BMPR1B: variants seen among roughly 807,000 people sequenced by gnomAD.
The protein encoded by BMPR1B is bone morphogenetic protein receptor type 1B.
A neutral mutation model predicts 59.1 loss-of-function variants in BMPR1B; 12 were observed. The observed-to-expected ratio is 0.20, with a 90% CI of 0.13 to 0.33. The LOEUF (loss-of-function observed/expected upper bound fraction) is 0.33, where lower values mean the gene tolerates loss of function less well. Among genes scored for constraint, BMPR1B ranks in the 10% least tolerant of loss-of-function variants. The pLI is 1.00. For missense variants in BMPR1B, 550 were observed against 610.9 expected, an observed-to-expected ratio of 0.90 and a Z score of 1.05; for synonymous variants, 237 against 207.3, an observed-to-expected ratio of 1.14 and a Z score of -1.23.
chr4:95,128,042 C>T (rs1471242192), intron 8 of BMPR1B, among the ~76,000 whole-genome samples: 1 of 151,912 alleles, frequency 6.6e-6, no homozygotes, highest in Non-Finnish European at 1.5e-5. Flanking sequence ...TGTGCTACCA[C>T]ACCTGGCTAA....
chr4:94,893,102 T>C (rs1727461761), intron 2 of BMPR1B, among the ~76,000 whole-genome samples: 1 of 151,996 alleles, frequency 6.6e-6, no homozygotes, highest in Non-Finnish European at 1.5e-5. Context: ...CTAACTTGTA[T>C]TAGCAAAAGG....
chr4:95,091,990 G>C (rs1373454086), intron 3 of BMPR1B, among the ~76,000 whole-genome samples: 1 of 151,942 alleles, frequency 6.6e-6, no homozygotes, highest in Admixed American at 6.6e-5. Flanking sequence ...TTGTATAAAG[G>C]TCTTGTGGTT....
intron 2 of BMPR1B, among the ~76,000 whole-genome samples, chr4:94,926,073 CG>C (rs1728879000): frequency 1.8e-5 from 1 of 55,614 alleles, no homozygotes; most frequent in South Asian, 9.7e-4. Context: ...CAATCCCTCC[CG>C]TCTCCCTCCC....
At chr4:94,886,757 T>G (rs1264628275) in intron 2 of BMPR1B, among the ~76,000 whole-genome samples, 1 of 152,196 alleles carries the variant, frequency 6.6e-6, no homozygotes, top group Non-Finnish European at 1.5e-5. Context: ...TTCATACTCC[T>G]GCCCCTTTCC....
At chr4:94,942,281 C>T (rs1055925064) in intron 2 of BMPR1B, among the ~76,000 whole-genome samples, 9 of 152,226 alleles carry the variant, frequency 5.9e-5, no homozygotes, top group African/African-American at 1.7e-4. Flanking sequence ...CTATTAAAGT[C>T]GAGGAAAATA....
intron 11 of BMPR1B, among the ~76,000 whole-genome samples, chr4:95,149,562 C>T (rs1429950471): frequency 6.6e-6 from 1 of 152,136 alleles, no homozygotes; most frequent in Non-Finnish European, 1.5e-5. Context: ...ATTACTTGTA[C>T]TATTTTGATT....
At chr4:94,892,316 A>T (rs1169138202) in intron 2 of BMPR1B, among the ~76,000 whole-genome samples, 1 of 152,096 alleles carries the variant, frequency 6.6e-6, no homozygotes, top group Non-Finnish European at 1.5e-5. Flanking sequence ...CCCCAGACCC[A>T]CTGAATCTGA....
chr4:95,100,879 G>A (rs1333924314), intron 3 of BMPR1B, among the ~76,000 whole-genome samples: 1 of 151,610 alleles, frequency 6.6e-6, no homozygotes, highest in Non-Finnish European at 1.5e-5. Flanking sequence ...TTTGTAAGAT[G>A]AGAGTATTAA....
intron 1 of BMPR1B, among the ~76,000 whole-genome samples, chr4:94,839,216 C>T (rs2148932338): frequency 7.8e-6 from 1 of 127,824 alleles, no homozygotes; most frequent in East Asian, 2.1e-4. Flanking sequence ...TGGTGTGGTG[C>T]TGAAAAAAAT....
intron 1 of BMPR1B, among the ~76,000 whole-genome samples, chr4:94,854,902 T>C (rs1486484543): frequency 6.6e-6 from 1 of 152,224 alleles, no homozygotes; most frequent in African/African-American, 2.4e-5. Flanking sequence ...CATCAGTATT[T>C]TTCTTTTTTC....
chr4:94,889,537 C>G (rs900331624), intron 2 of BMPR1B, among the ~76,000 whole-genome samples: 3 of 152,080 alleles, frequency 2.0e-5, no homozygotes, highest in East Asian at 1.9e-4. Context: ...TTATCAAAAA[C>G]AAATAAAAGG....
intron 1 of BMPR1B, among the ~76,000 whole-genome samples, chr4:94,810,862 C>A (rs1244841695): frequency 6.6e-6 from 1 of 152,092 alleles, no homozygotes; most frequent in Non-Finnish European, 1.5e-5. Flanking sequence ...TGGCATGATT[C>A]TTTAAAGAAG....
rs539343626 is a variant in BMPR1B, at chr4:94,915,620, T to C, written c.-113+39720T>C. On this transcript the variant is annotated intron_variant, in intron 2 of 12. Transcript: ENST00000515059. ...GACACAATTAACATAATGAAGATAT[T>C]ACTATAAAGGAATGATATACATGAA... Among the ~76,000 whole-genome samples the C allele has an allele frequency of 2.0e-5, 3 of 152,334 alleles. No individual in the cohort carries two copies. The East Asian group carries it at 5.8e-4, about 29-fold the overall frequency.
intron 1 of BMPR1B, among the ~76,000 whole-genome samples, chr4:94,797,193 C>T (rs565425073): frequency 6.6e-6 from 1 of 152,300 alleles, no homozygotes; most frequent in East Asian, 1.9e-4. Flanking sequence ...GACTTATTCA[C>T]TATTATGAGA....
At chr4:94,823,449 G>T (rs1437139130) in intron 1 of BMPR1B, among the ~76,000 whole-genome samples, 1 of 152,166 alleles carries the variant, frequency 6.6e-6, no homozygotes, top group Admixed American at 6.5e-5. Flanking sequence ...CTGGTGTTCG[G>T]ATCTATGTTT....
At chr4:94,772,033 T>C (rs1161984642) in intron 1 of BMPR1B, among the ~76,000 whole-genome samples, 1 of 152,246 alleles carries the variant, frequency 6.6e-6, no homozygotes, top group Non-Finnish European at 1.5e-5. Flanking sequence ...TTTCATCTTG[T>C]AACTCCTGTG....
intron 2 of BMPR1B, among the ~76,000 whole-genome samples, chr4:94,943,518 C>T (rs1167917828): frequency 6.6e-6 from 1 of 152,182 alleles, no homozygotes; most frequent in African/African-American, 2.4e-5. Context: ...GTACCTACTA[C>T]ATAGGTTTGT....
At chr4:95,080,152 T>A (rs887089759) in intron 3 of BMPR1B, among the ~76,000 whole-genome samples, 14 of 152,214 alleles carry the variant, frequency 9.2e-5, no homozygotes, top group African/African-American at 3.4e-4. Context: ...ACAAATCATC[T>A]CTTATACTCA....
At chr4:95,089,625 C>T (rs1259359861) in intron 3 of BMPR1B, among the ~76,000 whole-genome samples, 1 of 152,080 alleles carries the variant, frequency 6.6e-6, no homozygotes, top group Non-Finnish European at 1.5e-5. Flanking sequence ...AGAGGGAGAG[C>T]TTGAGCAGCA....
Sources: gnomAD v4.1 joint callset for allele counts (sites outside exome capture counted in the v4.1 genomes callset) on GRCh38, gnomAD v4.1.1 for gene constraint, MANE v1.5 for transcripts, NCBI Gene and HGNC (gene_info 2026-07-23, HGNC 2026-07-21) for gene names.